The following RGS7 variants were observed in gnomAD, a reference collection of about 807,000 sequenced individuals.
The protein encoded by RGS7 is regulator of G protein signaling 7.
RGS7 carries 27 observed loss-of-function variants against 81.1 expected under a neutral mutation model. The observed-to-expected ratio is 0.33, with a 90% CI of 0.25 to 0.46. The LOEUF (loss-of-function observed/expected upper bound fraction) is 0.46, where lower values mean the gene tolerates loss of function less well. Ranked by LOEUF, RGS7 falls within the 20% of genes least tolerant of loss-of-function variation. The probability of loss-of-function intolerance (pLI) is 1.00; values close to 1 mark genes in which losing one functional copy is unlikely to be tolerated. For synonymous variants in RGS7, 208 were observed against 207.7 expected, an observed-to-expected ratio of 1.00 and a Z score of -0.01; for missense variants, 396 against 607.4, an observed-to-expected ratio of 0.65 and a Z score of 3.66.
intron 2 of RGS7, among the ~76,000 whole-genome samples, chr1:241,139,214 C>T (rs571677818): frequency 3.3e-5 from 5 of 151,158 alleles, no homozygotes; most frequent in African/African-American, 4.9e-5. Flanking sequence ...CTTTCTTCCT[C>T]CCTTCCTTCC....
intron 11 of RGS7, among the ~76,000 whole-genome samples, chr1:240,815,809 G>A (rs1690706171): frequency 6.6e-6 from 1 of 152,182 alleles, no homozygotes; most frequent in Admixed American, 6.5e-5. Flanking sequence ...AAAAAAAAGA[G>A]GTAGTGTATA....
intron 2 of RGS7, among the ~76,000 whole-genome samples, chr1:241,329,285 C>A (rs1409278046): frequency 6.6e-6 from 1 of 152,152 alleles, no homozygotes; most frequent in African/African-American, 2.4e-5. Flanking sequence ...TGCATATTTA[C>A]TTTGACAGGA....
intron 2 of RGS7, among the ~76,000 whole-genome samples, chr1:241,258,002 T>C (rs1156954545): frequency 6.6e-6 from 1 of 152,220 alleles, no homozygotes; most frequent in African/African-American, 2.4e-5. Context: ...GTAGACACTA[T>C]GAATTCCAAC....
In RGS7 at chr1:240,827,102, C is replaced by T. The variant is rs761828408; in HGVS notation, c.680G>A (p.Arg227Gln). 12 of 1,611,970 alleles carry T rather than the reference C, an allele frequency of 7.4e-6. No homozygotes were observed. Among genetic ancestry groups the T allele is most frequent in the East Asian group, 2.2e-5 (1 of 44,882 alleles). ...SSRMRNPHKT[R>Q]KSVYGLQNDI... Reference sequence around the variant, plus strand: ...CACAACAAATGACAGTTTTACCTTCCGTGTTTTGTGGGGGTTTCTCATTCT... The same window carrying T: ...CACAACAAATGACAGTTTTACCTTCTGTGTTTTGTGGGGGTTTCTCATTCT... Residue 227 changes from arginine to glutamine, a missense_variant, in exon 10 of 19, where the codon CGG becomes CAG. Transcript: ENST00000440928.
chr1:240,898,193 C>T (rs1026604687), intron 6 of RGS7, among the ~76,000 whole-genome samples: 22 of 152,082 alleles, frequency 1.4e-4, no homozygotes, highest in Non-Finnish European at 3.2e-4. Context: ...ATTAGTCTTG[C>T]TAGTGGTCTG....
At chr1:241,355,566 T>C (rs1219874670) in intron 2 of RGS7, 133 bp downstream of exon 2, 3 of 809,310 alleles carry the variant, frequency 3.7e-6, no homozygotes, top group Non-Finnish European at 2.2e-6. Flanking sequence ...CTTTCACGTA[T>C]ATAGTACATA....
chr1:241,088,009 TATATATATACACACACAC>T lies in RGS7; in HGVS notation c.175+10639_175+10656del, dbSNP rs1383370368. Among the ~76,000 whole-genome samples the T allele has an allele frequency of 9.7e-3, 803 of 82,388 alleles. 4 individuals are homozygous for T. Among genetic ancestry groups the T allele is most frequent in the African/African-American group, 0.022 (512 of 23,612 alleles). The allele number at this position is 82,388 out of a possible 152,430, so 54.0% of individuals were successfully genotyped here. ...ATATATATATATACACACACACACA[TATATATATACACACACAC>T]ATATATATATACACACATATATATA... On this transcript the variant is annotated intron_variant, in intron 3 of 18. Coordinates refer to ENST00000440928, the MANE Select transcript of RGS7 (RefSeq NM_001364886.1).
intron 2 of RGS7, among the ~76,000 whole-genome samples, chr1:241,343,798 T>C (rs1365022673): frequency 6.6e-6 from 1 of 152,122 alleles, no homozygotes; most frequent in Non-Finnish European, 1.5e-5. Flanking sequence ...CAATGTGAAG[T>C]GTACTTACTG....
chr1:240,840,339 A>G (rs1657705579), intron 9 of RGS7, among the ~76,000 whole-genome samples: 1 of 151,752 alleles, frequency 6.6e-6, no homozygotes, highest in Non-Finnish European at 1.5e-5. Flanking sequence ...AATAGCATGA[A>G]CTCAGCTCAC....
intron 2 of RGS7, among the ~76,000 whole-genome samples, chr1:241,331,638 T>C (rs2081985301): frequency 6.6e-6 from 1 of 152,226 alleles, no homozygotes; most frequent in Non-Finnish European, 1.5e-5. Context: ...ATTTACTTAC[T>C]AGTTACACCT....
At position 240,938,558 on chromosome 1, in the gene RGS7, G is replaced by T. The variant is rs1205131410; in HGVS notation, c.227-1852C>A. On this transcript the variant is annotated intron_variant, in intron 4 of 18. Coordinates refer to ENST00000440928, the MANE Select transcript of RGS7 (RefSeq NM_001364886.1). ...ACAATTTGTTGTTAAATTTTTATCTGTTTTGGGGTACTATGATGCCCCTTG... is the reference window on the plus strand; with the variant it reads ...ACAATTTGTTGTTAAATTTTTATCTTTTTTGGGGTACTATGATGCCCCTTG... Among the ~76,000 whole-genome samples, 3 of 152,230 alleles carry T rather than the reference G, an allele frequency of 2.0e-5. No individual in the cohort carries two copies. The East Asian group carries it at 5.8e-4, about 29-fold the overall frequency.
At chr1:240,820,041 A>G (rs1190398807) in intron 10 of RGS7, among the ~76,000 whole-genome samples, 1 of 152,228 alleles carries the variant, frequency 6.6e-6, no homozygotes, top group Non-Finnish European at 1.5e-5. Context: ...AGGCAAAGAG[A>G]TTAATCCTAT....
At chr1:241,266,812 G>C (rs1420334114) in intron 2 of RGS7, among the ~76,000 whole-genome samples, 1 of 124,780 alleles carries the variant, frequency 8.0e-6, no homozygotes, top group Non-Finnish European at 1.7e-5. Flanking sequence ...TTTACAGAGT[G>C]TAAATTTTCC....
intron 2 of RGS7, among the ~76,000 whole-genome samples, chr1:241,199,101 A>C (rs1558181169): frequency 6.8e-6 from 1 of 146,342 alleles, no homozygotes; most frequent in African/African-American, 2.7e-5. Context: ...AATGTAAAAA[A>C]AAGAAGTCAT....
At chr1:241,106,752 C>CCACACACACACACACACACACA (rs778017157) in intron 2 of RGS7, among the ~76,000 whole-genome samples, 2,312 of 121,606 alleles carry the variant, frequency 0.019, 52 homozygotes, top group Middle Eastern at 0.025. Flanking sequence ...AACACCACCA[C>CCACACACACACACACACACACA]CACACACACA....
chr1:240,784,791 G>A (rs1684795016), intron 18 of RGS7, among the ~76,000 whole-genome samples: 1 of 151,700 alleles, frequency 6.6e-6, no homozygotes, highest in Admixed American at 6.6e-5. Context: ...ATTCTTGAGT[G>A]CCTTGTAGGC....
chr1:241,013,413 T>G (rs1183897189), intron 3 of RGS7, among the ~76,000 whole-genome samples: 1 of 152,208 alleles, frequency 6.6e-6, no homozygotes, highest in African/African-American at 2.4e-5. Flanking sequence ...TGTGTCCACA[T>G]GAATGTTCAC....
intron 3 of RGS7, among the ~76,000 whole-genome samples, chr1:241,056,417 G>C (rs1263534613): frequency 6.6e-6 from 1 of 152,102 alleles, no homozygotes; most frequent in African/African-American, 2.4e-5. Context: ...TTTTGTGTGT[G>C]CCTTTATTTT....
intron 4 of RGS7, among the ~76,000 whole-genome samples, chr1:240,942,784 T>C (rs1677824466): frequency 6.6e-6 from 1 of 152,308 alleles, no homozygotes; most frequent in South Asian, 2.1e-4. Context: ...GACATGGAAG[T>C]GGTCATTTTA....
Sources: gnomAD v4.1 joint callset for allele counts (sites outside exome capture counted in the v4.1 genomes callset) on GRCh38, gnomAD v4.1.1 for gene constraint, MANE v1.5 for transcripts, NCBI Gene and HGNC (gene_info 2026-07-23, HGNC 2026-07-21) for gene names.